The following CSMD1 variants were observed in gnomAD, a reference collection of about 807,000 sequenced individuals.
The protein encoded by CSMD1 is CUB and sushi domain-containing protein 1.
A neutral mutation model predicts 417.5 loss-of-function variants in CSMD1; 213 were observed. The ratio of observed to expected loss-of-function variants is 0.51; its 90% CI spans 0.46 to 0.57. The LOEUF is 0.57. Ranked by LOEUF, CSMD1 falls within the 20% of genes least tolerant of loss-of-function variation. The probability of loss-of-function intolerance (pLI) is 0.00; values close to 1 mark genes in which losing one functional copy is unlikely to be tolerated. For synonymous variants in CSMD1, 2,862 were observed against 1,736.8 expected (o/e 1.65, Z -16.11); for missense variants, 6,923 against 4,529.7 (o/e 1.53, Z -15.17).
At chr8:4,283,271 C>T (rs1441203995) in intron 3 of CSMD1, among the ~76,000 whole-genome samples, 1 of 152,150 alleles carries the variant, frequency 6.6e-6, no homozygotes, top group Non-Finnish European at 1.5e-5. Context: ...ACTTTTAATG[C>T]ACATTTTCCA....
At chr8:4,635,655 C>G (rs911324165) in intron 2 of CSMD1, among the ~76,000 whole-genome samples, 1 of 152,024 alleles carries the variant, frequency 6.6e-6, no homozygotes, top group Non-Finnish European at 1.5e-5. Context: ...TTTTCTGTAA[C>G]TCTGCAGTTT....
chr8:4,879,947 T>C (rs1363552343), intron 1 of CSMD1, among the ~76,000 whole-genome samples: 1 of 152,136 alleles, frequency 6.6e-6, no homozygotes, highest in Non-Finnish European at 1.5e-5. Context: ...CATTTTGTCG[T>C]TGTTGTTGAG....
chr8:3,970,097 C>G (rs575573291), intron 5 of CSMD1, among the ~76,000 whole-genome samples: 1 of 152,262 alleles, frequency 6.6e-6, no homozygotes, highest in East Asian at 1.9e-4. Flanking sequence ...AATTAAAAAC[C>G]TTCCTTTGTG....
intron 6 of CSMD1, among the ~76,000 whole-genome samples, chr8:3,722,586 T>A (rs1323049182): frequency 3.9e-5 from 6 of 152,132 alleles, no homozygotes; most frequent in Non-Finnish European, 2.9e-5. Context: ...CATTAATAAC[T>A]CACCTTAAAA....
chr8:3,298,777 A>G lies in CSMD1; in HGVS notation c.3950+8918T>C, dbSNP rs182253749. 1.9e-3 allele frequency among the ~76,000 whole-genome samples: 282 copies of G among 152,260 alleles called. 2 individuals are homozygous for G. Among genetic ancestry groups the G allele is most frequent in the African/African-American group, 6.2e-3 (258 of 41,548 alleles). ...CAATTATCTTTTACATAAAATTCAA[A>G]TTTGGCAAAACTCTTCTGAAGTCTT... On this transcript the variant is annotated intron_variant, in intron 25 of 69. Transcript: ENST00000635120.
chr8:4,552,602 T>A (rs1797921721), intron 2 of CSMD1, among the ~76,000 whole-genome samples: 1 of 152,050 alleles, frequency 6.6e-6, no homozygotes, highest in Non-Finnish European at 1.5e-5. Flanking sequence ...ACTTCTGGAA[T>A]CACAGTGAGT....
At chr8:3,754,863 G>C (rs370686016) in intron 5 of CSMD1, among the ~76,000 whole-genome samples, 10 of 152,194 alleles carry the variant, frequency 6.6e-5, no homozygotes, top group African/African-American at 2.4e-4. Context: ...TAAGAACCTG[G>C]GCCTTTCCTA....
chr8:4,880,460 G>C (rs1247913711), intron 1 of CSMD1, among the ~76,000 whole-genome samples: 1 of 152,060 alleles, frequency 6.6e-6, no homozygotes, highest in Non-Finnish European at 1.5e-5. Context: ...TCTGAGAAGA[G>C]AGGAATTTCC....
At chr8:3,785,519 T>G (rs768396239) in intron 5 of CSMD1, among the ~76,000 whole-genome samples, 7 of 152,174 alleles carry the variant, frequency 4.6e-5, no homozygotes, top group Non-Finnish European at 7.3e-5. Flanking sequence ...GTCAAACACC[T>G]AGGTGTACTT....
chr8:4,128,407 T>G (rs1035640), intron 3 of CSMD1, among the ~76,000 whole-genome samples: 1 of 152,174 alleles, frequency 6.6e-6, no homozygotes, highest in Non-Finnish European at 1.5e-5. Context: ...AAAACATCTG[T>G]GATGACTCTA....
intron 52 of CSMD1, among the ~76,000 whole-genome samples, chr8:3,014,308 T>A (rs889328351): frequency 2.0e-5 from 3 of 152,238 alleles, no homozygotes; most frequent in Non-Finnish European, 2.9e-5. Flanking sequence ...ATTAGTTCTA[T>A]GTGAAAATAC....
At chr8:3,183,804 G>T (rs1821584893) in intron 36 of CSMD1, among the ~76,000 whole-genome samples, 2 of 152,130 alleles carry the variant, frequency 1.3e-5, no homozygotes, top group Admixed American at 6.6e-5. Context: ...GCCTTAACTG[G>T]CGTGCATTCT....
chr8:3,966,402 T>C (rs1440559089), intron 5 of CSMD1, among the ~76,000 whole-genome samples: 2 of 152,290 alleles, frequency 1.3e-5, no homozygotes, highest in African/African-American at 4.8e-5. Flanking sequence ...TTCTGATAAA[T>C]ATATAATACA....
At chr8:3,670,494 T>A (rs1164127215) in intron 7 of CSMD1, among the ~76,000 whole-genome samples, 1 of 139,336 alleles carries the variant, frequency 7.2e-6, no homozygotes, top group East Asian at 2.1e-4. Flanking sequence ...ATCCCGTATA[T>A]ATATCCCATA....
intron 3 of CSMD1, among the ~76,000 whole-genome samples, chr8:4,110,108 C>T (rs945046529): frequency 2.6e-5 from 4 of 152,050 alleles, no homozygotes; most frequent in Middle Eastern, 3.2e-3. Flanking sequence ...ATGGAAATAA[C>T]GGTGGAGTTG....
At chr8:3,935,475 T>A (rs959509515) in intron 5 of CSMD1, among the ~76,000 whole-genome samples, 3 of 152,228 alleles carry the variant, frequency 2.0e-5, no homozygotes. Context: ...TCTATTGGTG[T>A]CATTATTCCA....
intron 7 of CSMD1, among the ~76,000 whole-genome samples, chr8:3,699,453 G>C (rs1800728305): frequency 6.6e-6 from 1 of 152,182 alleles, no homozygotes; most frequent in Non-Finnish European, 1.5e-5. Flanking sequence ...CTACAGATAA[G>C]ACATTTCAGC....
intron 4 of CSMD1, among the ~76,000 whole-genome samples, chr8:4,024,903 A>T (rs1349574849): frequency 6.6e-6 from 1 of 151,664 alleles, no homozygotes; most frequent in African/African-American, 2.4e-5. Flanking sequence ...ATCATAGAAT[A>T]AATGAAAGCA....
At chr8:3,121,550 C>G (rs896256078) in intron 41 of CSMD1, among the ~76,000 whole-genome samples, 3 of 152,150 alleles carry the variant, frequency 2.0e-5, no homozygotes, top group African/African-American at 7.2e-5. Flanking sequence ...CTCTGAAACC[C>G]AGAAACCCAC....
Sources: gnomAD v4.1 joint callset for allele counts (sites outside exome capture counted in the v4.1 genomes callset) on GRCh38, gnomAD v4.1.1 for gene constraint, MANE v1.5 for transcripts, NCBI Gene and HGNC (gene_info 2026-07-23, HGNC 2026-07-21) for gene names.